The following RANBP17 variants were observed in gnomAD, a reference collection of about 807,000 sequenced individuals.
RANBP17 encodes ran-binding protein 17.
A neutral mutation model predicts 141.2 loss-of-function variants in RANBP17; 158 were observed. The ratio of observed to expected loss-of-function variants is 1.12; its 90% CI spans 0.98 to 1.28. The LOEUF (loss-of-function observed/expected upper bound fraction) is 1.28. Ranked by LOEUF, RANBP17 falls within the 50% of genes most tolerant of loss-of-function variation. RANBP17 has a pLI of 0.00. For missense variants in RANBP17, 1,438 were observed against 1,290.7 expected (o/e 1.11, Z -1.75); for synonymous variants, 430 against 450.0 (o/e 0.96, Z 0.56).
At chr5:171,116,140 G>C (rs780420747) in intron 14 of RANBP17, among the ~76,000 whole-genome samples, 2 of 151,792 alleles carry the variant, frequency 1.3e-5, no homozygotes, top group Admixed American at 6.6e-5. Context: ...CTTCCTGTTA[G>C]AGGAGGAGGG....
At chr5:171,026,658 A>G (rs1781253472) in intron 14 of RANBP17, among the ~76,000 whole-genome samples, 1 of 152,238 alleles carries the variant, frequency 6.6e-6, no homozygotes, top group Non-Finnish European at 1.5e-5. Context: ...ATTGAAATTT[A>G]GTAATTTGGT....
intron 14 of RANBP17, among the ~76,000 whole-genome samples, chr5:170,972,892 A>G (rs747134565): frequency 1.3e-5 from 2 of 151,954 alleles, no homozygotes; most frequent in Non-Finnish European, 2.9e-5. Flanking sequence ...CTTTCAGAAA[A>G]ATTTTTCCTG....
chr5:171,065,219 C>T (rs780868856), intron 14 of RANBP17, among the ~76,000 whole-genome samples: 15 of 151,890 alleles, frequency 9.9e-5, no homozygotes, highest in Non-Finnish European at 1.8e-4. Context: ...AATGGCTATC[C>T]GGTATTCCCT....
At chr5:171,284,285 T>G (rs17748001) in intron 25 of RANBP17, among the ~76,000 whole-genome samples, 18,717 of 152,184 alleles carry the variant, frequency 0.12, 1,464 homozygotes, top group East Asian at 0.21. Context: ...AGTCTTGACT[T>G]TGAGGCCATG....
chr5:171,102,176 C>G (rs1162607791), intron 14 of RANBP17, among the ~76,000 whole-genome samples: 1 of 152,170 alleles, frequency 6.6e-6, no homozygotes, highest in African/African-American at 2.4e-5. Context: ...GGATAATATC[C>G]TGAAGTGTGT....
At position 171,294,001 on chromosome 5, in the gene RANBP17, G is replaced by A. The variant is rs779961596; in HGVS notation, c.3042+20G>A. On this transcript the variant is annotated intron_variant, in intron 26 of 27. Coordinates refer to ENST00000523189, the MANE Select transcript of RANBP17 (RefSeq NM_022897.5). ...GAGAAGGTGAGTGTGATTGCAGGAA[G>A]TCACGGGAGGTGGTCCCTGGGAGAA... is the stretch of plus-strand genomic sequence containing the variant. 1 of 1,552,974 alleles carries A rather than the reference G, an allele frequency of 6.4e-7. No individual in the cohort carries two copies. The highest frequency in any genetic ancestry group is 8.9e-7 in the Non-Finnish European group (1 of 1,124,354).
chr5:171,166,685 A>C (rs1403454370), intron 14 of RANBP17, among the ~76,000 whole-genome samples: 1 of 152,164 alleles, frequency 6.6e-6, no homozygotes, highest in Non-Finnish European at 1.5e-5. Context: ...CAAATTATCC[A>C]TGTTTAAAAG....
intron 3 of RANBP17, among the ~76,000 whole-genome samples, chr5:170,882,702 A>G (rs1313052157): frequency 6.6e-6 from 1 of 152,228 alleles, no homozygotes; most frequent in African/African-American, 2.4e-5. Flanking sequence ...CATTTGGGGT[A>G]TATGTAAAAT....
chr5:171,032,411 TG>T (rs911746526), intron 14 of RANBP17, among the ~76,000 whole-genome samples: 8 of 152,302 alleles, frequency 5.3e-5, no homozygotes, highest in African/African-American at 1.9e-4. Context: ...AGTAATTGAT[TG>T]CTTCAAGCAG....
Position 171,299,382 on chromosome 5 carries a change from A to AT in RANBP17, c.*524_*525insT. 1 of 232,410 alleles carries AT rather than the reference A, an allele frequency of 4.3e-6. No homozygotes were observed. The highest frequency in any genetic ancestry group is 8.5e-6 in the Non-Finnish European group (1 of 117,330). 14.4% of individuals were successfully genotyped at this position (232,410 alleles called of 1,614,324 possible). On this transcript the variant is annotated 3_prime_UTR_variant, in exon 28 of 28. Coordinates refer to ENST00000523189, the MANE Select transcript of RANBP17 (RefSeq NM_022897.5). ...GAAGCACTACAGAGCATCCCACAGG[A>AT]CCACACGCAGGCCTCCCTGCCTCAG...
intron 20 of RANBP17, among the ~76,000 whole-genome samples, chr5:171,209,947 C>T (rs923685346): frequency 3.9e-5 from 6 of 151,918 alleles, no homozygotes; most frequent in Admixed American, 2.0e-4. Context: ...AATAGATGGA[C>T]GGACGGACAG....
At chr5:170,913,280 G>A (rs1177751895) in intron 7 of RANBP17, among the ~76,000 whole-genome samples, 1 of 151,994 alleles carries the variant, frequency 6.6e-6, no homozygotes, top group Non-Finnish European at 1.5e-5. Context: ...GACATAGAAA[G>A]GCTACAGTTG....
At chr5:170,929,483 CT>C (rs1012628903) in intron 12 of RANBP17, among the ~76,000 whole-genome samples, 3 of 152,136 alleles carry the variant, frequency 2.0e-5, no homozygotes, top group Non-Finnish European at 4.4e-5. Flanking sequence ...ATTCAAATGA[CT>C]TTTTTCCTTT....
At chr5:170,934,862 G>A (rs887523546) in intron 12 of RANBP17, among the ~76,000 whole-genome samples, 2 of 152,158 alleles carry the variant, frequency 1.3e-5, no homozygotes, top group African/African-American at 4.8e-5. Flanking sequence ...GCCTTGCTAG[G>A]TTGGGGAAGT....
rs201162576 is a variant in RANBP17 at position 170,896,527 on chromosome 5, T to TA, written c.489+419dup. ...AACAATGGATACACAGCAGGACTCA[T>TA]AAAAAAACAGGCTTTTTTTTGACTG... On this transcript the variant is annotated intron_variant, in intron 5 of 27. Transcript: ENST00000523189. Among the ~76,000 whole-genome samples, 1,492 of 152,196 alleles carry TA rather than the reference T, an allele frequency of 9.8e-3. 29 individuals are homozygous for TA. Among genetic ancestry groups the TA allele is most frequent in the African/African-American group, 0.033 (1,364 of 41,526 alleles).
intron 18 of RANBP17, among the ~76,000 whole-genome samples, chr5:171,184,413 A>G (rs1371442007): frequency 6.6e-6 from 1 of 152,234 alleles, no homozygotes; most frequent in East Asian, 1.9e-4. Flanking sequence ...TATCACTCAT[A>G]TGTGAAATCT....
intron 16 of RANBP17, 100 bp from the exon 17 acceptor site, chr5:171,183,067 A>G: frequency 3.2e-6 from 2 of 633,272 alleles, no homozygotes; most frequent in Non-Finnish European, 5.6e-6. Flanking sequence ...ATATTTTTTT[A>G]TAAGTAGAAA....
intron 25 of RANBP17, 129 bp from the exon 26 acceptor site, chr5:171,293,754 G>A (rs969850857): frequency 4.3e-5 from 31 of 720,042 alleles, no homozygotes; most frequent in African/African-American, 3.3e-4. Context: ...AGTCTAGTCC[G>A]TTTGTCCAGA....
intron 24 of RANBP17, among the ~76,000 whole-genome samples, chr5:171,249,547 G>C (rs1765424755): frequency 6.6e-6 from 1 of 152,086 alleles, no homozygotes; most frequent in Non-Finnish European, 1.5e-5. Flanking sequence ...ATATGAATGG[G>C]AACATTACCA....
Sources: gnomAD v4.1 joint callset for allele counts (sites outside exome capture counted in the v4.1 genomes callset) on GRCh38, gnomAD v4.1.1 for gene constraint, MANE v1.5 for transcripts, NCBI Gene and HGNC (gene_info 2026-07-23, HGNC 2026-07-21) for gene names.